Variants in MAD1L1 observed in about 807,000 individuals in gnomAD.
MAD1L1 encodes the protein mitotic spindle assembly checkpoint protein MAD1.
In MAD1L1, 95 loss-of-function variants were observed where a neutral mutation model predicts 96.9. That is an observed-to-expected ratio of 0.98 (90% confidence interval 0.83 to 1.16). The LOEUF (loss-of-function observed/expected upper bound fraction) is 1.16. Ranked by LOEUF, MAD1L1 falls within the 50% of genes most tolerant of loss-of-function variation. The pLI is 0.00. For missense variants in MAD1L1, 1,007 were observed against 954.4 expected (o/e 1.06, Z -0.73); for synonymous variants, 473 against 396.6 (o/e 1.19, Z -2.29).
At chr7:2,112,284 G>A (rs1476931477) in intron 11 of MAD1L1, among the ~76,000 whole-genome samples, 1 of 152,210 alleles carries the variant, frequency 6.6e-6, no homozygotes, top group African/African-American at 2.4e-5. Flanking sequence ...AAGGGCAAAT[G>A]AGGCTGTATA....
At chr7:2,113,954 G>A (rs1030734474) in intron 11 of MAD1L1, among the ~76,000 whole-genome samples, 22 of 152,200 alleles carry the variant, frequency 1.4e-4, no homozygotes, top group Non-Finnish European at 2.8e-4. Context: ...GGGCAGGACA[G>A]GGCCACCAAA....
chr7:2,129,589 G>A (rs1788412765), intron 11 of MAD1L1, among the ~76,000 whole-genome samples: 1 of 152,196 alleles, frequency 6.6e-6, no homozygotes, highest in South Asian at 2.1e-4. Flanking sequence ...TGAGGAGAGA[G>A]CACACACACG....
chr7:1,965,530 G>C (rs759467871), intron 15 of MAD1L1, among the ~76,000 whole-genome samples: 7 of 152,208 alleles, frequency 4.6e-5, no homozygotes, highest in Non-Finnish European at 7.3e-5. Context: ...AGCTCAAGGC[G>C]AAGTCCTCCA....
chr7:1,887,103 G>A (rs958569530), intron 18 of MAD1L1, among the ~76,000 whole-genome samples: 6 of 152,272 alleles, frequency 3.9e-5, no homozygotes, highest in Admixed American at 3.3e-4. Flanking sequence ...GGCTAGGGGG[G>A]CTCCGGCTGG....
intron 18 of MAD1L1, among the ~76,000 whole-genome samples, chr7:1,864,331 G>A (rs955481736): frequency 4.6e-5 from 7 of 152,210 alleles, no homozygotes; most frequent in African/African-American, 7.2e-5. Context: ...GGGCAGACCC[G>A]GGGCCCCTTT....
chr7:2,121,792 G>A (rs1211016785), intron 11 of MAD1L1, among the ~76,000 whole-genome samples: 2 of 152,146 alleles, frequency 1.3e-5, no homozygotes, highest in Admixed American at 6.5e-5. Flanking sequence ...TGTGAGGTCT[G>A]TCTCACTGTC....
At chr7:2,044,317 G>T (rs1380855493) in intron 12 of MAD1L1, among the ~76,000 whole-genome samples, 1 of 152,198 alleles carries the variant, frequency 6.6e-6, no homozygotes, top group African/African-American at 2.4e-5. Context: ...GACTTCGGCT[G>T]GGTTCCACAC....
chr7:1,818,421 T>G (rs1377230635), intron 18 of MAD1L1, among the ~76,000 whole-genome samples: 4 of 152,194 alleles, frequency 2.6e-5, no homozygotes, highest in Non-Finnish European at 5.9e-5. Flanking sequence ...TCTCACTCTG[T>G]CACCCAGGCT....
intron 12 of MAD1L1, among the ~76,000 whole-genome samples, chr7:2,042,336 C>T (rs963752493): frequency 2.0e-5 from 3 of 152,126 alleles, no homozygotes; most frequent in Admixed American, 6.6e-5. Flanking sequence ...CACGGACACA[C>T]GCACAGACAC....
chr7:2,144,375 C>T (rs999220890), intron 11 of MAD1L1, among the ~76,000 whole-genome samples: 1 of 152,218 alleles, frequency 6.6e-6, no homozygotes. Context: ...GGAGCCCTCA[C>T]GGGGTCCTGA....
At chr7:1,871,222 C>T (rs1464908067) in intron 18 of MAD1L1, among the ~76,000 whole-genome samples, 11 of 138,834 alleles carry the variant, frequency 7.9e-5, no homozygotes, top group African/African-American at 1.7e-4. Context: ...ACACCTGCCA[C>T]GCTGAACCCA....
In MAD1L1 at chr7:2,048,911, G is replaced by A. The variant is rs114968292; in HGVS notation, c.1218+20283C>T. ...ACTTGCCTGTGTCCAGCCACTGACC[G>A]CGTCAACCATGCTGCCATTTTCATC... On this transcript the variant is annotated intron_variant, in intron 12 of 18. Transcript: ENST00000265854. 8.7e-3 allele frequency among the ~76,000 whole-genome samples: 1,326 copies of A among 152,320 alleles called. 17 individuals carry two copies. Among genetic ancestry groups the A allele is most frequent in the African/African-American group, 0.03 (1,252 of 41,566 alleles).
intron 11 of MAD1L1, among the ~76,000 whole-genome samples, chr7:2,113,422 A>T (rs1332889345): frequency 6.6e-6 from 1 of 152,122 alleles, no homozygotes; most frequent in African/African-American, 2.4e-5. Flanking sequence ...TCTACTAAAA[A>T]TACAAAAATT....
chr7:2,006,103 G>A (rs1003563256), intron 13 of MAD1L1, among the ~76,000 whole-genome samples: 2 of 151,952 alleles, frequency 1.3e-5, no homozygotes, highest in African/African-American at 4.8e-5. Flanking sequence ...GTGGGTGCAG[G>A]ACACCTCAGC....
chr7:2,064,918 G>C (rs568073604), intron 12 of MAD1L1, among the ~76,000 whole-genome samples: 8 of 152,168 alleles, frequency 5.3e-5, no homozygotes, highest in Admixed American at 6.5e-5. Flanking sequence ...GAGGACAGAG[G>C]CTTCTTCCAG....
chr7:1,902,790 G>A (rs1430942492), intron 17 of MAD1L1, among the ~76,000 whole-genome samples: 21 of 152,280 alleles, frequency 1.4e-4, no homozygotes, highest in African/African-American at 2.9e-4. Flanking sequence ...ACGATCTTGC[G>A]GAACTCATGA....
intron 13 of MAD1L1, 65 bp from the exon 14 acceptor site, chr7:2,002,186 G>A (rs1781828576): frequency 6.7e-7 from 1 of 1,503,214 alleles, no homozygotes; most frequent in Admixed American, 1.7e-5. Flanking sequence ...TAGGACTGCA[G>A]GGAACACAAC....
chr7:1,907,757 A>AAC (rs1475289918), intron 17 of MAD1L1, among the ~76,000 whole-genome samples: 1 of 152,244 alleles, frequency 6.6e-6, no homozygotes, highest in Admixed American at 6.5e-5. Flanking sequence ...CTCTTAATAA[A>AAC]ACACATCCCT....
intron 14 of MAD1L1, among the ~76,000 whole-genome samples, chr7:1,982,580 T>C (rs1780955205): frequency 6.6e-6 from 1 of 152,230 alleles, no homozygotes; most frequent in African/African-American, 2.4e-5. Context: ...CTTCACTAAA[T>C]TCCGACCGAC....
Sources: allele counts gnomAD v4.1 joint callset (sites outside exome capture counted in the v4.1 genomes callset), GRCh38; gene constraint gnomAD v4.1.1; transcripts MANE v1.5; gene names NCBI Gene and HGNC (gene_info 2026-07-23, HGNC 2026-07-21).